Variants in VOPP1 observed in about 807,000 individuals in gnomAD.
The protein encoded by VOPP1 is VOPP1 WW domain binding protein, also known as WW domain binding protein VOPP1.
In VOPP1, 8 loss-of-function variants were observed where a neutral mutation model predicts 23.5. The ratio of observed to expected loss-of-function variants is 0.34; its 90% CI spans 0.20 to 0.61. The LOEUF (loss-of-function observed/expected upper bound fraction) is 0.61. Ranked by LOEUF, VOPP1 falls within the 20% of genes least tolerant of loss-of-function variation. The probability of loss-of-function intolerance (pLI) is 0.78; values close to 1 mark genes in which losing one functional copy is unlikely to be tolerated. For synonymous variants in VOPP1, 83 were observed against 97.3 expected (o/e 0.85, Z 0.86); for missense variants, 174 against 238.1 (o/e 0.73, Z 1.77).
At position 55,567,344 on chromosome 7, in the gene VOPP1, G is replaced by A. The variant is rs115688565; in HGVS notation, c.54+4927C>T. On this transcript the variant is annotated intron_variant, in intron 1 of 4. Transcript: ENST00000285279. The stretch of plus-strand genomic sequence containing the variant: ...TTAAAGATAGTTATGGGAAAAGGAG[G>A]ATATTGGTCAGAGTTAAGGTAGACT... Among the ~76,000 whole-genome samples, 829 of 152,348 alleles carry A rather than the reference G, an allele frequency of 5.4e-3. 11 individuals carry two copies. The highest frequency in any genetic ancestry group is 0.019 in the African/African-American group (793 of 41,572).
At chr7:55,481,494 A>G (rs559389348) in intron 4 of VOPP1, among the ~76,000 whole-genome samples, 13 of 152,332 alleles carry the variant, frequency 8.5e-5, no homozygotes, top group East Asian at 3.9e-4. Flanking sequence ...GAAAAGGCCA[A>G]CTGGCCTCAA....
At chr7:55,476,379 T>C (rs1434383573) in intron 4 of VOPP1, among the ~76,000 whole-genome samples, 1 of 146,766 alleles carries the variant, frequency 6.8e-6, no homozygotes, top group Non-Finnish European at 1.5e-5. Context: ...GCCTGTATTC[T>C]TAGCAGGACC....
chr7:55,510,698 T>G (rs1203570562), intron 2 of VOPP1, among the ~76,000 whole-genome samples: 2 of 151,724 alleles, frequency 1.3e-5, no homozygotes, highest in East Asian at 3.9e-4. Flanking sequence ...GGAGGGAGTC[T>G]CAGCCCCTCA....
chr7:55,499,748 G>C (rs1334967435), intron 2 of VOPP1, among the ~76,000 whole-genome samples: 1 of 152,170 alleles, frequency 6.6e-6, no homozygotes, highest in Non-Finnish European at 1.5e-5. Flanking sequence ...TCAGTGCTCG[G>C]GACGGGGGAA....
At chr7:55,543,407 CA>C in intron 1 of VOPP1, among the ~76,000 whole-genome samples, 1 of 152,124 alleles carries the variant, frequency 6.6e-6, no homozygotes, top group East Asian at 1.9e-4. Context: ...AATGTGTGTC[CA>C]AATCCTTTGT....
chr7:55,506,188 C>G (rs1225956663), intron 2 of VOPP1, among the ~76,000 whole-genome samples: 2 of 152,236 alleles, frequency 1.3e-5, no homozygotes, highest in African/African-American at 4.8e-5. Context: ...GTGCCCAGGG[C>G]ATTCCTGCCT....
chr7:55,451,735 G>C (rs555134567), intron 4 of VOPP1, among the ~76,000 whole-genome samples: 1 of 152,226 alleles, frequency 6.6e-6, no homozygotes, highest in Non-Finnish European at 1.5e-5. Flanking sequence ...AGATTGCAGT[G>C]AGCCAAGATC....
At chr7:55,457,018 T>C (rs900343761) in intron 4 of VOPP1, among the ~76,000 whole-genome samples, 2 of 152,208 alleles carry the variant, frequency 1.3e-5, no homozygotes, top group East Asian at 1.9e-4. Context: ...TTGAACAATA[T>C]AAATTATTCC....
At chr7:55,506,942 C>A (rs1794766520) in intron 2 of VOPP1, among the ~76,000 whole-genome samples, 3 of 152,194 alleles carry the variant, frequency 2.0e-5, no homozygotes, top group Admixed American at 2.0e-4. Context: ...GTGCCCGGCC[C>A]CACAAGCTTC....
chr7:55,561,107 C>T (rs1797970156), intron 1 of VOPP1, among the ~76,000 whole-genome samples: 2 of 152,098 alleles, frequency 1.3e-5, no homozygotes, highest in South Asian at 4.2e-4. Flanking sequence ...CACAGCTTCC[C>T]AGGACCCTCA....
intron 1 of VOPP1, among the ~76,000 whole-genome samples, chr7:55,561,565 TGG>T (rs1797986692): frequency 6.6e-6 from 1 of 151,092 alleles, no homozygotes; most frequent in South Asian, 2.1e-4. Context: ...AAAAATTAAG[TGG>T]GCGTGCTGGT....
chr7:55,539,061 G>A (rs890082665), intron 1 of VOPP1, among the ~76,000 whole-genome samples: 30 of 149,338 alleles, frequency 2.0e-4, no homozygotes, highest in African/African-American at 6.4e-4. Context: ...GAGGGGCGGG[G>A]TGCCGGGTGT....
intron 4 of VOPP1, among the ~76,000 whole-genome samples, chr7:55,452,868 T>G (rs1172963475): frequency 6.6e-6 from 1 of 152,192 alleles, no homozygotes; most frequent in South Asian, 2.1e-4. Flanking sequence ...TTAAGGGCCC[T>G]AGGATTTTTA....
chr7:55,484,716 C>T, intron 4 of VOPP1, among the ~76,000 whole-genome samples: 1 of 152,188 alleles, frequency 6.6e-6, no homozygotes, highest in Admixed American at 6.5e-5. Context: ...GAAATAACTA[C>T]AAAGACAATG....
At chr7:55,563,808 T>G (rs903487708) in intron 1 of VOPP1, among the ~76,000 whole-genome samples, 3 of 152,350 alleles carry the variant, frequency 2.0e-5, no homozygotes, top group African/African-American at 7.2e-5. Flanking sequence ...ATTTTTGATT[T>G]TCAGATTAGG....
At chr7:55,566,315 G>A (rs941205250) in intron 1 of VOPP1, among the ~76,000 whole-genome samples, 5 of 152,058 alleles carry the variant, frequency 3.3e-5, no homozygotes, top group African/African-American at 1.2e-4. Context: ...AAATTACACT[G>A]TCCCCCCAAA....
chr7:55,558,598 A>C (rs1230528863), intron 1 of VOPP1, among the ~76,000 whole-genome samples: 2 of 152,110 alleles, frequency 1.3e-5, no homozygotes, highest in Non-Finnish European at 2.9e-5. Flanking sequence ...ATCTCTGCTC[A>C]GCCTCCAGAG....
chr7:55,489,311 G>A (rs1489106336), intron 4 of VOPP1, among the ~76,000 whole-genome samples: 3 of 150,810 alleles, frequency 2.0e-5, no homozygotes, highest in Non-Finnish European at 3.0e-5. Flanking sequence ...AATGAAAAAC[G>A]GATGGCAAAC....
intron 1 of VOPP1, among the ~76,000 whole-genome samples, chr7:55,561,193 A>G (rs1797972655): frequency 6.6e-6 from 1 of 151,982 alleles, no homozygotes; most frequent in Non-Finnish European, 1.5e-5. Flanking sequence ...GCTTACTTCA[A>G]CGCAAAGTTC....
Sources: gnomAD v4.1 joint callset for allele counts (sites outside exome capture counted in the v4.1 genomes callset) on GRCh38, gnomAD v4.1.1 for gene constraint, MANE v1.5 for transcripts, NCBI Gene and HGNC (gene_info 2026-07-23, HGNC 2026-07-21) for gene names.